The following ATG14 variants were observed in gnomAD, a reference collection of about 807,000 sequenced individuals.
ATG14 encodes the protein beclin 1-associated autophagy-related key regulator.
ATG14 carries 35 observed loss-of-function variants against 60.4 expected under a neutral mutation model. The ratio of observed to expected loss-of-function variants is 0.58; its 90% CI spans 0.44 to 0.77. The LOEUF (loss-of-function observed/expected upper bound fraction) is 0.77, where lower values mean the gene tolerates loss of function less well. ATG14 is among the 30% of genes least tolerant of loss of function. ATG14 has a pLI of 0.00. For missense variants in ATG14, 647 were observed against 626.3 expected, an observed-to-expected ratio of 1.03 and a Z score of -0.35; for synonymous variants, 234 against 228.8, an observed-to-expected ratio of 1.02 and a Z score of -0.21.
At chr14:55,402,964 T>TATATATATATATAA (rs1233704845) in intron 1 of ATG14, among the ~76,000 whole-genome samples, 10 of 59,758 alleles carry the variant, frequency 1.7e-4, no homozygotes, top group Admixed American at 2.4e-4. Context: ...TATATATATA[T>TATATATATATATAA]ATATAAATAG....
At chr14:55,400,694 G>A (rs1885383047) in intron 1 of ATG14, among the ~76,000 whole-genome samples, 1 of 152,130 alleles carries the variant, frequency 6.6e-6, no homozygotes, top group South Asian at 2.1e-4. Flanking sequence ...CCTGAGGTCA[G>A]GAGTTCGAGA....
At chr14:55,383,570 AAACAAC>A (rs796925211) in intron 5 of ATG14, among the ~76,000 whole-genome samples, 10 of 151,730 alleles carry the variant, frequency 6.6e-5, no homozygotes, top group African/African-American at 1.9e-4. Context: ...CAAAAAAACA[AAACAAC>A]AACAACAACA....
At chr14:55,371,130 C>T (rs1045485946) in intron 9 of ATG14, among the ~76,000 whole-genome samples, 6 of 152,162 alleles carry the variant, frequency 3.9e-5, no homozygotes, top group African/African-American at 1.4e-4. Flanking sequence ...GATAAGCACA[C>T]GATGCCTTGG....
In ATG14 at chr14:55,382,029, G is replaced by C; in HGVS notation, c.810C>G (p.Leu270=). ...SISITGPWIS[L]PNNGDYSAYY... is the part of the protein sequence containing the mutation. ...AGGCAGAGTAGTCCCCATTGTTAGGGAGGCTAATCCAAGGCCCTGTAATGC... is the reference window on the plus strand; with the variant it reads ...AGGCAGAGTAGTCCCCATTGTTAGGCAGGCTAATCCAAGGCCCTGTAATGC... Residue 270 remains leucine (L), a synonymous_variant, in exon 6 of 10, where the codon CTC becomes CTG. Coordinates refer to ENST00000247178, the MANE Select transcript of ATG14 (RefSeq NM_014924.5). The C allele has an allele frequency of 6.2e-7, 1 of 1,614,126 alleles. No homozygotes were observed. Among genetic ancestry groups the C allele is most frequent in the Non-Finnish European group, 8.5e-7 (1 of 1,180,004 alleles).
chr14:55,370,912 A>ATTAC (rs1884802000), intron 9 of ATG14, among the ~76,000 whole-genome samples: 1 of 152,088 alleles, frequency 6.6e-6, no homozygotes, highest in Admixed American at 6.6e-5. Flanking sequence ...AAACGCTGAG[A>ATTAC]TTACAGTTGT....
intron 9 of ATG14, among the ~76,000 whole-genome samples, chr14:55,374,686 G>A (rs1007910932): frequency 2.0e-5 from 3 of 151,914 alleles, no homozygotes; most frequent in Non-Finnish European, 4.4e-5. Context: ...TATATCATCT[G>A]GATTTTATTT....
In ATG14 at chr14:55,386,000, T is replaced by C; in HGVS notation, c.506A>G (p.Asn169Ser). The stretch of plus-strand genomic sequence containing the variant: ...TTCTACCAGGTCACCAAGTTTGCGA[T>C]TATGCCTCTGAATCTTCTCCTTTTT... ...QEKKEKIQRH[N>S]RKLGDLVEKK... The change falls in exon 5 of 10, where the codon AAT becomes AGT. Residue 169 changes from asparagine (N) to serine (S), a missense_variant. By Grantham distance (46) the Asn-to-Ser change is conservative. Transcript: ENST00000247178. 1 of 1,614,196 alleles carries C rather than the reference T, an allele frequency of 6.2e-7. No homozygotes were observed. The highest frequency in any genetic ancestry group is 1.1e-5 in the South Asian group (1 of 91,086).
chr14:55,389,221 G>A (rs546302973), intron 4 of ATG14, among the ~76,000 whole-genome samples: 2 of 152,306 alleles, frequency 1.3e-5, no homozygotes, highest in South Asian at 2.1e-4. Flanking sequence ...AGAGAAACAC[G>A]CATGATCAGT....
chr14:55,388,431 C>T (rs1467286484), intron 4 of ATG14, among the ~76,000 whole-genome samples: 2 of 152,370 alleles, frequency 1.3e-5, no homozygotes, highest in African/African-American at 4.8e-5. Flanking sequence ...TCCCTACCAT[C>T]TCCCCATAAA....
intron 9 of ATG14, among the ~76,000 whole-genome samples, chr14:55,373,213 T>A (rs181373449): frequency 1.3e-5 from 2 of 152,366 alleles, no homozygotes; most frequent in East Asian, 3.9e-4. Context: ...ATAATGGATA[T>A]CTTTTTATTC....
chr14:55,382,743 A>C (rs912875852), intron 5 of ATG14, among the ~76,000 whole-genome samples: 1 of 152,206 alleles, frequency 6.6e-6, no homozygotes, highest in African/African-American at 2.4e-5. Flanking sequence ...AATGTGAGGA[A>C]GACGGAACCA....
chr14:55,406,014 C>A (rs917971338), intron 1 of ATG14, among the ~76,000 whole-genome samples: 6 of 152,226 alleles, frequency 3.9e-5, no homozygotes, highest in African/African-American at 1.4e-4. Context: ...GGGAAGTCTT[C>A]CCATCGAACA....
intron 6 of ATG14, among the ~76,000 whole-genome samples, chr14:55,381,563 A>T (rs899192188): frequency 6.6e-6 from 1 of 152,262 alleles, no homozygotes; most frequent in Non-Finnish European, 1.5e-5. Context: ...ATATTACTCA[A>T]CCATAAAAAC....
intron 1 of ATG14, among the ~76,000 whole-genome samples, chr14:55,402,146 A>T (rs1269133179): frequency 6.6e-6 from 1 of 152,162 alleles, no homozygotes; most frequent in Non-Finnish European, 1.5e-5. Context: ...GCTAGGAATA[A>T]CTAGCCTCAC....
intron 9 of ATG14, among the ~76,000 whole-genome samples, chr14:55,375,490 ATTTT>A (rs779634897): frequency 5.9e-5 from 7 of 117,804 alleles, no homozygotes; most frequent in Admixed American, 2.8e-4. Flanking sequence ...GCCGGGCTAA[ATTTT>A]TTTTTTTTTT....
At chr14:55,383,941 C>CCT (rs1219091708) in intron 5 of ATG14, among the ~76,000 whole-genome samples, 1 of 152,140 alleles carries the variant, frequency 6.6e-6, no homozygotes, top group Non-Finnish European at 1.5e-5. Context: ...CTGGGAAGGG[C>CCT]CTTCTGTGCT....
At chr14:55,392,224 A>G (rs1029106346) in intron 3 of ATG14, among the ~76,000 whole-genome samples, 3 of 152,174 alleles carry the variant, frequency 2.0e-5, no homozygotes, top group African/African-American at 7.2e-5. Context: ...GGTGGAGCTC[A>G]GGTGGTAATG....
intron 9 of ATG14, among the ~76,000 whole-genome samples, chr14:55,373,888 T>A (rs1884869818): frequency 6.6e-6 from 1 of 152,044 alleles, no homozygotes; most frequent in Admixed American, 6.6e-5. Context: ...CCCACCCAGG[T>A]TCCATGAACA....
intron 1 of ATG14, among the ~76,000 whole-genome samples, chr14:55,408,886 G>A (rs1185608979): frequency 6.6e-6 from 1 of 152,204 alleles, no homozygotes; most frequent in Non-Finnish European, 1.5e-5. Context: ...AAATTAGAGA[G>A]GCAAACAGTA....
Sources: allele counts gnomAD v4.1 joint callset (sites outside exome capture counted in the v4.1 genomes callset), GRCh38; gene constraint gnomAD v4.1.1; transcripts MANE v1.5; gene names NCBI Gene and HGNC (gene_info 2026-07-23, HGNC 2026-07-21).